Variants in TNS2 observed in about 807,000 individuals in gnomAD.
TNS2 encodes the protein tensin 2.
In TNS2, 77 loss-of-function variants were observed where a neutral mutation model predicts 155.7. That is an observed-to-expected ratio of 0.49 (90% CI 0.41 to 0.60). TNS2 has a LOEUF of 0.60. Ranked by LOEUF, TNS2 falls within the 20% of genes least tolerant of loss-of-function variation. TNS2 has a pLI of 0.00. For synonymous variants in TNS2, 726 were observed against 763.9 expected (o/e 0.95, Z 0.82); for missense variants, 1,703 against 1,868.8 (o/e 0.91, Z 1.64).
intron 2 of TNS2, 171 bp downstream of exon 2, chr12:53,052,134 G>A (rs1318008168): frequency 1.6e-6 from 1 of 623,448 alleles, no homozygotes; most frequent in African/African-American, 1.8e-5. Context: ...GGCTCCCCAT[G>A]ACAGACACCT....
At position 53,055,917 on chromosome 12, in the gene TNS2, C is replaced by G; in HGVS notation, c.761+72C>G. Reference sequence around the variant, plus strand: ...TCCAGCTGGCCCCTTAGGAACCCATCTCCCCTGGAGCCCACCTCTTCGTTG... The same window carrying G: ...TCCAGCTGGCCCCTTAGGAACCCATGTCCCCTGGAGCCCACCTCTTCGTTG... On this transcript the variant is annotated intron_variant, in intron 10 of 28. Coordinates refer to ENST00000314250, the MANE Select transcript of TNS2 (RefSeq NM_170754.4). 2.6e-6 allele frequency: 4 copies of G among 1,512,664 alleles called. No homozygotes were observed. The South Asian group carries it at 3.8e-5, about 14-fold the overall frequency. The allele number at this position is 1,512,664 out of a possible 1,614,324, so 93.7% of individuals were successfully genotyped here.
At position 53,063,374 on chromosome 12, in the gene TNS2, G is replaced by A. The variant is rs749781369; in HGVS notation, c.4018G>A (p.Val1340Met). The stretch of plus-strand genomic sequence containing the variant: ...GCTCTTCTTTCGCCGCCATTATCCA[G>A]TGAACAGCATCACCTTCTCCAGCAC... The part of the protein sequence containing the change: ...RKLFFRRHYP[V>M]NSITFSSTDP... The change falls in exon 27 of 29, where the codon GTG becomes ATG. Residue 1340 changes from valine to methionine, a missense_variant. Val to Met is a conservative substitution (Grantham distance 21). Coordinates refer to ENST00000314250, the MANE Select transcript of TNS2 (RefSeq NM_170754.4). The surrounding 1 kb of genome is among the most constrained non-coding windows in gnomAD (Gnocchi z 5.6). The A allele has an allele frequency of 2.5e-6, 4 of 1,613,888 alleles. No homozygotes were observed. Among genetic ancestry groups the A allele is most frequent in the Non-Finnish European group, 3.4e-6 (4 of 1,179,980 alleles).
chr12:53,064,242 G>A lies in TNS2; in HGVS notation c.*360G>A, dbSNP rs191919395. The A allele has an allele frequency of 1.2e-5, 3 of 247,914 alleles. No individual in the cohort carries two copies. The highest frequency in any genetic ancestry group is 5.0e-5 in the Admixed American group (1 of 19,880). The allele number at this position is 247,914 out of a possible 1,614,324, so 15.4% of individuals were successfully genotyped here. A position where few individuals can be genotyped will look rare whatever the true frequency, so the allele number is the denominator to read the frequency against. On this transcript the variant is annotated 3_prime_UTR_variant, in exon 29 of 29. Transcript: ENST00000314250. ...TCCACCCAGCTGCAGGTGCCAGCACGGCAGGGATGGGAGAGGGGTGGGGAG... is the reference window on the plus strand; with the variant it reads ...TCCACCCAGCTGCAGGTGCCAGCACAGCAGGGATGGGAGAGGGGTGGGGAG...
At position 53,061,055 on chromosome 12, in the gene TNS2, A is replaced by G. The variant is rs758677248; in HGVS notation, c.3149A>G (p.Gln1050Arg). ...PWLVASPEPP[Q>R]SSPTPAFPLA... ...CTTGTGGCCAGCCCAGAGCCGCCTC[A>G]GAGCTCACCTACACCTGCTTTCCCC... The change falls in exon 20 of 29, where the codon CAG becomes CGG. Residue 1050 changes from glutamine (Q) to arginine (R), a missense_variant. By Grantham distance (43) the Gln-to-Arg change is conservative. Coordinates refer to ENST00000314250, the MANE Select transcript of TNS2 (RefSeq NM_170754.4). 7 of 1,613,676 alleles carry G rather than the reference A, an allele frequency of 4.3e-6. No homozygotes were observed. In the Admixed American group the frequency reaches 1.2e-4, roughly 27 times the overall value.
At chr12:53,058,883 G>T in intron 17 of TNS2, 56 bp downstream of exon 17, 4 of 1,591,344 alleles carry the variant, frequency 2.5e-6, no homozygotes, top group Non-Finnish European at 3.4e-6. Context: ...ACCCTGGGGG[G>T]TGGTGCCAGG....
rs201327076 is a variant in TNS2, at chr12:53,060,417, C to T, written c.2630C>T (p.Pro877Leu). 4.7e-5 allele frequency: 75 copies of T among 1,612,894 alleles called. No homozygotes were observed. The Middle Eastern group carries it at 1.7e-3, about 36-fold the overall frequency. The change falls in exon 19 of 29, where the codon CCG (proline) becomes CTG (leucine). Residue 877 changes from proline to leucine, a missense_variant. By Grantham distance (98) the Pro-to-Leu change is moderately conservative. Transcript: ENST00000314250. This position sits in a 1 kb window ranked among gnomAD's most constrained non-coding sequence, Gnocchi z 6.1. ...GPLASAESLE[P>L]VSWREGPSGH... ...CCCTTCACTGCAGAGTCGCTGGAGC[C>T]GGTGTCCTGGAGGGAGGGCCCCAGT...
chr12:53,049,157 G>A, upstream of TNS2: 1 of 1,578,134 alleles, frequency 6.3e-7, no homozygotes, highest in South Asian at 1.2e-5. Flanking sequence ...GATGGGGGTG[G>A]AGTATGTGTT....
At position 53,058,783 on chromosome 12, in the gene TNS2, A is replaced by G. The variant is rs781307041; in HGVS notation, c.1361A>G (p.Asp454Gly). 1 of 1,613,606 alleles carries G rather than the reference A, an allele frequency of 6.2e-7. No individual in the cohort carries two copies. The highest frequency in any genetic ancestry group is 1.1e-5 in the South Asian group (1 of 91,068). ...YNTTEPAVRW[D>G]SYENFNQHHE... is the part of the protein sequence containing the mutation. ...ACCACTGAGCCAGCCGTGCGCTGGG[A>G]CTCCTATGAGAACTTCAACCAGCAC... Residue 454 changes from aspartate to glycine, a missense_variant, in exon 17 of 29, where the codon GAC becomes GGC. Asp to Gly is a moderately conservative substitution (Grantham distance 94, BLOSUM62 -1). Coordinates refer to ENST00000314250, the MANE Select transcript of TNS2 (RefSeq NM_170754.4).
chr12:53,055,752 AC>A, intron 9 of TNS2, 28 bp from the exon 10 acceptor site: 2 of 1,614,106 alleles, frequency 1.2e-6, no homozygotes, highest in Non-Finnish European at 8.5e-7. Flanking sequence ...GAGCTCCCAG[AC>A]CCTCATCCCT....
chr12:53,050,346 T>C lies in TNS2; in HGVS notation c.75+86T>C. 1.4e-6 allele frequency: 2 copies of C among 1,416,790 alleles called. No homozygotes were observed. Among genetic ancestry groups the C allele is most frequent in the Non-Finnish European group, 1.9e-6 (2 of 1,056,870 alleles). 87.8% of individuals were successfully genotyped at this position (1,416,790 alleles called of 1,614,324 possible). ...AGGGGACCAGGAATCAGGCCAGGCCTTCTTCCCAATTTCAGCTTCCTCAGC... is the reference window on the plus strand; with the variant it reads ...AGGGGACCAGGAATCAGGCCAGGCCCTCTTCCCAATTTCAGCTTCCTCAGC... On this transcript the variant is annotated intron_variant, in intron 1 of 28. Transcript: ENST00000314250. The surrounding 1 kb of genome is among the most constrained non-coding windows in gnomAD (Gnocchi z 4.7).
chr12:53,055,616 C>T lies in TNS2; in HGVS notation c.622C>T (p.Leu208=). The T allele has an allele frequency of 1.9e-6, 3 of 1,613,886 alleles. No homozygotes were observed. Among genetic ancestry groups the T allele is most frequent in the South Asian group, 1.1e-5 (1 of 91,080 alleles). Residue 208 remains leucine (L), a synonymous_variant, in exon 9 of 29, where the codon CTG becomes TTG. Transcript: ENST00000314250. ...PELHAPPLDK[L]CSICKAMETW... ...GCTGCATGCTCCACCCCTGGACAAG[C>T]TGTGCTCCATCTGCAAAGCCATGGA...
At position 53,058,804 on chromosome 12, in the gene TNS2, A is replaced by G; in HGVS notation, c.1382A>G (p.Gln461Arg). Residue 461 changes from glutamine to arginine, a missense_variant, in exon 17 of 29, where the codon CAG (glutamine) becomes CGG (arginine). Gln to Arg is a conservative substitution (Grantham distance 43, BLOSUM62 1). Coordinates refer to ENST00000314250, the MANE Select transcript of TNS2 (RefSeq NM_170754.4). ...TGGGACTCCTATGAGAACTTCAACC[A>G]GCACCACGAGGACAGTGTGGATGGT... ...VRWDSYENFN[Q>R]HHEDSVDGSL... The G allele has an allele frequency of 1.9e-6, 3 of 1,613,692 alleles. No individual in the cohort carries two copies. The highest frequency in any genetic ancestry group is 1.7e-6 in the Non-Finnish European group (2 of 1,179,964).
At chr12:53,061,348 T>G (rs1224038568) in intron 20 of TNS2, 32 bp from the exon 21 acceptor site, 1 of 1,613,250 alleles carries the variant, frequency 6.2e-7, no homozygotes, top group Non-Finnish European at 8.5e-7. Flanking sequence ...CCGGGTACCC[T>G]GGGGTCTGAA....
intron 8 of TNS2, 110 bp downstream of exon 8, chr12:53,055,346 C>A (rs1021236913): frequency 5.5e-6 from 7 of 1,274,422 alleles, no homozygotes; most frequent in Non-Finnish European, 7.8e-6. Context: ...CACTCTTAAG[C>A]ACTTTCCCAC....
chr12:53,055,064 G>C (rs1406496780), intron 7 of TNS2, 122 bp from the exon 8 acceptor site: 2 of 1,141,902 alleles, frequency 1.8e-6, no homozygotes, highest in African/African-American at 1.5e-5. Context: ...GGTTATAGGC[G>C]TGAGTTACTG....
At position 53,061,051 on chromosome 12, in the gene TNS2, C is replaced by T; in HGVS notation, c.3145C>T (p.Pro1049Ser). 6.2e-7 allele frequency: 1 copy of T among 1,613,744 alleles called. No homozygotes were observed. The highest frequency in any genetic ancestry group is 8.5e-7 in the Non-Finnish European group (1 of 1,179,904). Residue 1049 changes from proline (P) to serine (S), a missense_variant, in exon 20 of 29, where the codon CCT (proline) becomes TCT (serine). Physicochemically the swap from Pro to Ser is moderately conservative, Grantham distance 74. Coordinates refer to ENST00000314250, the MANE Select transcript of TNS2 (RefSeq NM_170754.4). ...MPWLVASPEP[P>S]QSSPTPAFPL... ...CTGGCTTGTGGCCAGCCCAGAGCCG[C>T]CTCAGAGCTCACCTACACCTGCTTT...
In TNS2 at chr12:53,061,394, G is replaced by A. The variant is rs1565612479; in HGVS notation, c.3373G>A (p.Glu1125Lys). 2 of 1,614,052 alleles carry A rather than the reference G, an allele frequency of 1.2e-6. No homozygotes were observed. Among genetic ancestry groups the A allele is most frequent in the African/African-American group, 2.7e-5 (2 of 75,022 alleles). ...CCCTGTCCTAGAGCCTCCTACACAA[G>A]AGAGCCAAAGCAATGTCAAGTTTGT... ...VPQTPEPPTQ[E>K]SQSNVKFVQD... Residue 1125 changes from glutamate to lysine, a missense_variant, in exon 21 of 29, where the codon GAG becomes AAG. Physicochemically the swap from Glu to Lys is moderately conservative, Grantham distance 56. Coordinates refer to ENST00000314250, the MANE Select transcript of TNS2 (RefSeq NM_170754.4).
chr12:53,055,739 C>G, intron 9 of TNS2, 42 bp from the exon 10 acceptor site: 2 of 1,614,218 alleles, frequency 1.2e-6, no homozygotes, highest in Non-Finnish European at 1.7e-6. Context: ...CCAGGTCAGC[C>G]TGGAGCTCCC....
rs536414787 is a variant in TNS2, at chr12:53,058,528, G to A, written c.1226-44G>A. Reference sequence around the variant, plus strand: ...AGGTGGCAGGCAGGCAGGAGAGTGTGGTATGGGCCAGGGGCCTGGTTCTTC... The same window carrying A: ...AGGTGGCAGGCAGGCAGGAGAGTGTAGTATGGGCCAGGGGCCTGGTTCTTC... On this transcript the variant is annotated intron_variant, in intron 15 of 28. Coordinates refer to ENST00000314250, the MANE Select transcript of TNS2 (RefSeq NM_170754.4). The A allele has an allele frequency of 3.1e-6, 5 of 1,613,800 alleles. No homozygotes were observed. In the African/African-American group the frequency reaches 6.7e-5, roughly 22 times the overall value.
Sources: allele counts gnomAD v4.1 joint callset, GRCh38; gene constraint gnomAD v4.1.1; non-coding constraint Gnocchi (gnomAD v3.1); transcripts MANE v1.5; gene names NCBI Gene and HGNC (gene_info 2026-07-23, HGNC 2026-07-21).